The following FDX1 variants were observed in gnomAD, a reference collection of about 807,000 sequenced individuals.
FDX1 encodes the protein ferredoxin 1, also known as adrenodoxin, mitochondrial.
FDX1 carries 9 observed loss-of-function variants against 14.9 expected under a neutral mutation model. The ratio of observed to expected loss-of-function variants is 0.60; its 90% CI spans 0.36 to 1.05. FDX1 has a LOEUF of 1.05. Among genes scored for constraint, FDX1 ranks in the 50% least tolerant of loss-of-function variants. The pLI, the probability that FDX1 is intolerant of heterozygous loss-of-function variation, is 0.01. For synonymous variants in FDX1, 92 were observed against 99.4 expected (o/e 0.93, Z 0.44); for missense variants, 204 against 237.2 (o/e 0.86, Z 0.92).
intron 2 of FDX1, among the ~76,000 whole-genome samples, chr11:110,447,446 C>T (rs1946459014): frequency 6.6e-6 from 1 of 152,096 alleles, no homozygotes; most frequent in South Asian, 2.1e-4. Flanking sequence ...AAGTGAGACT[C>T]CTTCAAACAA....
Position 110,462,451 on chromosome 11 carries a change from G to A in FDX1, c.538G>A (p.Val180Met), listed in dbSNP as rs768092214. ...GGCTGATGCCAGACAATCCATTGAT[G>A]TGGGCAAGACCTCCTGAACTAGAAC... is the stretch of plus-strand genomic sequence containing the variant. ...TVADARQSID[V>M]GKTS Residue 180 changes from valine (V) to methionine (M), a missense_variant, in exon 4 of 4, where the codon GTG (valine) becomes ATG (methionine). Transcript: ENST00000260270. 145 of 1,498,728 alleles carry A rather than the reference G, an allele frequency of 9.7e-5. No individual in the cohort carries two copies. The highest frequency in any genetic ancestry group is 1.3e-4 in the Non-Finnish European group (140 of 1,075,028). The allele number at this position is 1,498,728 out of a possible 1,614,324, so 92.8% of individuals were successfully genotyped here. A position where few individuals can be genotyped will look rare whatever the true frequency, so the allele number is the denominator to read the frequency against.
intron 2 of FDX1, among the ~76,000 whole-genome samples, chr11:110,447,327 G>A (rs11213407): frequency 6.9e-6 from 1 of 144,730 alleles, no homozygotes; most frequent in African/African-American, 2.6e-5. Flanking sequence ...GGTGGTGCAT[G>A]CCTGTAATCC....
At chr11:110,456,563 A>G (rs1302175588) in intron 2 of FDX1, among the ~76,000 whole-genome samples, 1 of 123,960 alleles carries the variant, frequency 8.1e-6, no homozygotes, top group African/African-American at 3.2e-5. Context: ...CACCCCGGCT[A>G]GAGTGTAACC....
intron 2 of FDX1, among the ~76,000 whole-genome samples, chr11:110,447,304 C>T (rs796395917): frequency 1.8e-5 from 2 of 108,836 alleles, no homozygotes; most frequent in East Asian, 2.5e-4. Context: ...AAAAAAAAAA[C>T]CCAGCTGGGC....
Position 110,463,905 on chromosome 11 carries a change from T to G in FDX1, c.*1437T>G, listed in dbSNP as rs1009428598. ...CTTAATAACTATTGAGTAGTTTTTT[T>G]TTTTTTTTTTTGGTGGGGGGAGCGG... On this transcript the variant is annotated 3_prime_UTR_variant, in exon 4 of 4. Transcript: ENST00000260270. 2 of 151,754 alleles carry G rather than the reference T, an allele frequency of 1.3e-5. No homozygotes were observed. The highest frequency in any genetic ancestry group is 6.6e-5 in the Admixed American group (1 of 15,248). 9.4% of individuals were successfully genotyped at this position (151,754 alleles called of 1,614,324 possible).
At chr11:110,451,391 G>T (rs748440605) in intron 2 of FDX1, among the ~76,000 whole-genome samples, 1 of 151,956 alleles carries the variant, frequency 6.6e-6, no homozygotes, top group Non-Finnish European at 1.5e-5. Context: ...AAAGAGACAG[G>T]GTCTCATGCC....
intron 3 of FDX1, among the ~76,000 whole-genome samples, chr11:110,459,618 T>G (rs1946544298): frequency 6.6e-6 from 1 of 152,200 alleles, no homozygotes; most frequent in South Asian, 2.1e-4. Flanking sequence ...AAAGTAAACC[T>G]AATACCCAGT....
intron 1 of FDX1, among the ~76,000 whole-genome samples, chr11:110,435,108 G>T (rs1946360005): frequency 6.6e-6 from 1 of 151,756 alleles, no homozygotes; most frequent in Non-Finnish European, 1.5e-5. Flanking sequence ...GAGTGCAGTG[G>T]TGCAATCATA....
chr11:110,430,339 G>T, intron 1 of FDX1, 34 bp downstream of exon 1: 1 of 1,175,512 alleles, frequency 8.5e-7, no homozygotes, highest in African/African-American at 1.6e-5. Context: ...CGCCGGCGCG[G>T]GCCGGGGTCC....
intron 2 of FDX1, among the ~76,000 whole-genome samples, chr11:110,452,618 TAA>T (rs575577554): frequency 3.6e-5 from 5 of 140,690 alleles, no homozygotes; most frequent in Admixed American, 7.1e-5. Flanking sequence ...GAGGCAAAGT[TAA>T]AAAAAAAAAA....
chr11:110,434,633 A>T (rs10891104), intron 1 of FDX1, among the ~76,000 whole-genome samples: 42,269 of 150,864 alleles, frequency 0.28, 5,976 homozygotes, highest in East Asian at 0.37. Context: ...ATGCTCGGCC[A>T]TGATTTGCTT....
chr11:110,443,210 C>T (rs1293541286), intron 2 of FDX1, among the ~76,000 whole-genome samples: 1 of 152,054 alleles, frequency 6.6e-6, no homozygotes, highest in Non-Finnish European at 1.5e-5. Flanking sequence ...TGGCAGTGTA[C>T]CTCAGTCTGC....
chr11:110,451,065 C>A (rs566639690), intron 2 of FDX1, among the ~76,000 whole-genome samples: 6 of 150,112 alleles, frequency 4.0e-5, no homozygotes, highest in Non-Finnish European at 8.9e-5. Flanking sequence ...ATCCTTTATT[C>A]TTTTATAGTT....
chr11:110,453,586 T>A (rs1001232083), intron 2 of FDX1, among the ~76,000 whole-genome samples: 3 of 151,862 alleles, frequency 2.0e-5, no homozygotes, highest in Admixed American at 6.5e-5. Context: ...AAATACCCTT[T>A]TTGGTTAGGT....
At chr11:110,439,900 C>T (rs1251431422) in intron 2 of FDX1, among the ~76,000 whole-genome samples, 1 of 152,134 alleles carries the variant, frequency 6.6e-6, no homozygotes, top group Admixed American at 6.5e-5. Flanking sequence ...CATATAATAG[C>T]CATCAATCCC....
chr11:110,458,733 G>C (rs1011615166), intron 3 of FDX1, among the ~76,000 whole-genome samples: 1 of 151,598 alleles, frequency 6.6e-6, no homozygotes, highest in Non-Finnish European at 1.5e-5. Flanking sequence ...TCAGCCTCCC[G>C]AGTAGCTGGG....
intron 1 of FDX1, among the ~76,000 whole-genome samples, chr11:110,434,312 T>C (rs1186855474): frequency 6.7e-6 from 1 of 149,886 alleles, no homozygotes; most frequent in African/African-American, 2.5e-5. Context: ...TATGTAGCAC[T>C]GGAAAAGCAA....
At chr11:110,461,557 C>CAAA (rs57962982) in intron 3 of FDX1, among the ~76,000 whole-genome samples, 29 of 136,804 alleles carry the variant, frequency 2.1e-4, no homozygotes, top group African/African-American at 6.1e-4. Context: ...AGTAATTCTG[C>CAAA]AAAAAAAAAA....
At chr11:110,440,281 G>T (rs1345041364) in intron 2 of FDX1, among the ~76,000 whole-genome samples, 2 of 151,942 alleles carry the variant, frequency 1.3e-5, no homozygotes, top group African/African-American at 4.8e-5. Context: ...GTTCAGTTCT[G>T]CTTTGAGTTT....
Sources: allele counts gnomAD v4.1 joint callset (sites outside exome capture counted in the v4.1 genomes callset), GRCh38; gene constraint gnomAD v4.1.1; transcripts MANE v1.5; gene names NCBI Gene and HGNC (gene_info 2026-07-23, HGNC 2026-07-21).